The following SLC2A10 variants were observed in gnomAD, a reference collection of about 807,000 sequenced individuals.
SLC2A10 encodes solute carrier family 2 member 10, also known as solute carrier family 2, facilitated glucose transporter member 10.
In SLC2A10, 25 loss-of-function variants were observed where a neutral mutation model predicts 32.1. The observed-to-expected ratio is 0.78, with a 90% CI of 0.57 to 1.09. The LOEUF (loss-of-function observed/expected upper bound fraction) is 1.09. Ranked by LOEUF, SLC2A10 falls within the 50% of genes least tolerant of loss-of-function variation. The probability of loss-of-function intolerance (pLI) is 0.00; values close to 1 mark genes in which losing one functional copy is unlikely to be tolerated. For synonymous variants in SLC2A10, 332 were observed against 309.6 expected (o/e 1.07, Z -0.76); for missense variants, 673 against 686.5 (o/e 0.98, Z 0.22).
intron 1 of SLC2A10, among the ~76,000 whole-genome samples, chr20:46,712,578 C>T (rs994963895): frequency 5.3e-5 from 8 of 151,964 alleles, no homozygotes; most frequent in Admixed American, 1.3e-4. Context: ...TTAGGTCAAG[C>T]CGTCTTAATG....
upstream of SLC2A10, chr20:46,709,582 C>A (rs1456327386): frequency 2.1e-6 from 2 of 949,544 alleles, no homozygotes; most frequent in East Asian, 3.3e-5. Flanking sequence ...GCCGACGTGG[C>A]GTTGGCGGCG....
intron 4 of SLC2A10, among the ~76,000 whole-genome samples, chr20:46,730,078 T>A (rs1163032022): frequency 6.6e-6 from 1 of 151,990 alleles, no homozygotes; most frequent in Admixed American, 6.6e-5. Flanking sequence ...GCTAGAAGAG[T>A]AGAATCTTAA....
chr20:46,716,533 T>C (rs961205251), intron 1 of SLC2A10, among the ~76,000 whole-genome samples: 1 of 152,140 alleles, frequency 6.6e-6, no homozygotes, highest in African/African-American at 2.4e-5. Context: ...GCAGATGTCC[T>C]TGTCAGGTCC....
chr20:46,732,982 A>G (rs1433913318), intron 4 of SLC2A10, among the ~76,000 whole-genome samples: 2 of 152,190 alleles, frequency 1.3e-5, no homozygotes, highest in East Asian at 3.9e-4. Flanking sequence ...CGTGATGAGC[A>G]AATGGGACTG....
At chr20:46,733,723 AC>A in intron 4 of SLC2A10, 32 bp from the exon 5 acceptor site, 1 of 1,600,258 alleles carries the variant, frequency 6.2e-7, no homozygotes. Flanking sequence ...AGGCCCTGCC[AC>A]CCCCTGATCC....
chr20:46,712,308 G>A (rs908906774), intron 1 of SLC2A10, among the ~76,000 whole-genome samples: 5 of 152,308 alleles, frequency 3.3e-5, no homozygotes, highest in Admixed American at 1.3e-4. Context: ...TGGTGCAGGA[G>A]GGACCCAGTG....
intron 1 of SLC2A10, chr20:46,710,135 G>A (rs1978824229): frequency 4.6e-6 from 2 of 436,808 alleles, no homozygotes; most frequent in Non-Finnish European, 8.0e-6. Context: ...CCCAGGCGCT[G>A]TTGTGGGCCT....
chr20:46,731,811 G>A (rs1980315185), intron 4 of SLC2A10, among the ~76,000 whole-genome samples: 1 of 152,152 alleles, frequency 6.6e-6, no homozygotes, highest in Admixed American at 6.5e-5. Context: ...GCATGTCCAG[G>A]GATTTTGACA....
At position 46,716,399 on chromosome 20, in the gene SLC2A10, C is replaced by G. The variant is rs550168439; in HGVS notation, c.4+6659C>G. Among the ~76,000 whole-genome samples, 99 of 152,208 alleles carry G rather than the reference C, an allele frequency of 6.5e-4. 1 individual carries two copies. The highest frequency in any genetic ancestry group is 5.7e-3 in the Admixed American group (87 of 15,302). The stretch of plus-strand genomic sequence containing the variant: ...AACTCCTGGCCTCAAGTGATCCGCC[C>G]GCCTCAGCCTCCCAAAGTGTTGGGA... On this transcript the variant is annotated intron_variant, in intron 1 of 4. Coordinates refer to ENST00000359271, the MANE Select transcript of SLC2A10 (RefSeq NM_030777.4).
chr20:46,736,100 A>G lies in SLC2A10; in HGVS notation c.*2266A>G, dbSNP rs1568991592. 6.6e-6 allele frequency: 1 copy of G among 152,238 alleles called. No individual in the cohort carries two copies. The highest frequency in any genetic ancestry group is 1.5e-5 in the Non-Finnish European group (1 of 68,040). 9.4% of individuals were successfully genotyped at this position (152,238 alleles called of 1,614,324 possible). A position where few individuals can be genotyped will look rare whatever the true frequency, so the allele number is the denominator to read the frequency against. On this transcript the variant is annotated 3_prime_UTR_variant, in exon 5 of 5. Coordinates refer to ENST00000359271, the MANE Select transcript of SLC2A10 (RefSeq NM_030777.4). ...GCAAAAAAAAAAATATTAACAAAAT[A>G]TTCTGTAAGAATCAATTGTCTATAT...
intron 1 of SLC2A10, among the ~76,000 whole-genome samples, chr20:46,717,678 C>T (rs1243908594): frequency 6.6e-6 from 1 of 152,216 alleles, no homozygotes; most frequent in Non-Finnish European, 1.5e-5. Context: ...AGCCACCACA[C>T]ACGGCCAAGT....
intron 1 of SLC2A10, among the ~76,000 whole-genome samples, chr20:46,711,276 G>A (rs1056570043): frequency 6.6e-6 from 1 of 152,180 alleles, no homozygotes; most frequent in African/African-American, 2.4e-5. Context: ...TTGTAGATGG[G>A]GAAGCCCAGA....
rs774452914 is a variant in SLC2A10, at chr20:46,725,846, G to C, written c.810G>C (p.Val270=). Residue 270 remains valine, a synonymous_variant, in exon 2 of 5, where the codon GTG becomes GTC. Coordinates refer to ENST00000359271, the MANE Select transcript of SLC2A10 (RefSeq NM_030777.4). ...SVGFHGGSSA[V]LASVGLGAVK... Reference sequence around the variant, plus strand: ...GTTTCCATGGGGGATCCTCAGCCGTGCTGGCCTCTGTGGGGCTTGGCGCAG... The same window carrying C: ...GTTTCCATGGGGGATCCTCAGCCGTCCTGGCCTCTGTGGGGCTTGGCGCAG... The C allele has an allele frequency of 3.1e-6, 5 of 1,614,110 alleles. No individual in the cohort carries two copies. Among genetic ancestry groups the C allele is most frequent in the Non-Finnish European group, 4.2e-6 (5 of 1,180,042 alleles).
At chr20:46,724,641 G>A (rs980937366) in intron 1 of SLC2A10, among the ~76,000 whole-genome samples, 2 of 145,710 alleles carry the variant, frequency 1.4e-5, no homozygotes, top group African/African-American at 5.1e-5. Context: ...ATGGATGGAT[G>A]GATGGATGGA....
At chr20:46,711,446 G>A (rs1978906462) in intron 1 of SLC2A10, among the ~76,000 whole-genome samples, 1 of 152,136 alleles carries the variant, frequency 6.6e-6, no homozygotes, top group African/African-American at 2.4e-5. Flanking sequence ...GCTCTGACAG[G>A]AGAGTCCATC....
chr20:46,722,497 A>T (rs1979613502), intron 1 of SLC2A10, among the ~76,000 whole-genome samples: 1 of 152,198 alleles, frequency 6.6e-6, no homozygotes, highest in Admixed American at 6.5e-5. Flanking sequence ...ACCACTGGAG[A>T]GGCTGGATAA....
At chr20:46,729,259 C>G in intron 3 of SLC2A10, 94 bp from the exon 4 acceptor site, 1 of 1,530,164 alleles carries the variant, frequency 6.5e-7, no homozygotes, top group Non-Finnish European at 9.0e-7. Context: ...AGTGAACTGA[C>G]TTTCCATGCC....
intron 1 of SLC2A10, among the ~76,000 whole-genome samples, chr20:46,717,666 C>G (rs548105011): frequency 2.0e-5 from 3 of 152,104 alleles, no homozygotes; most frequent in Non-Finnish European, 4.4e-5. Context: ...ATTATAGGTG[C>G]GAGCCACCAC....
intron 3 of SLC2A10, among the ~76,000 whole-genome samples, chr20:46,728,608 T>G (rs1168975632): frequency 1.2e-4 from 16 of 138,020 alleles, no homozygotes; most frequent in African/African-American, 4.0e-4. Flanking sequence ...GGGTGTGTTT[T>G]TTTTTTTTTT....
Sources: allele counts gnomAD v4.1 joint callset (sites outside exome capture counted in the v4.1 genomes callset), GRCh38; gene constraint gnomAD v4.1.1; transcripts MANE v1.5; gene names NCBI Gene and HGNC (gene_info 2026-07-23, HGNC 2026-07-21).